KCTD19: variants seen among roughly 807,000 people sequenced by gnomAD.
KCTD19 encodes the protein potassium channel tetramerization domain containing 19, also known as BTB/POZ domain-containing protein KCTD19.
In KCTD19, 67 loss-of-function variants were observed where a neutral mutation model predicts 103.5. That is an observed-to-expected ratio of 0.65 (90% confidence interval 0.53 to 0.79). The LOEUF (loss-of-function observed/expected upper bound fraction) is 0.79. KCTD19 is among the 30% of genes least tolerant of loss of function. The pLI is 0.00. For synonymous variants in KCTD19, 439 were observed against 452.2 expected, an observed-to-expected ratio of 0.97 and a Z score of 0.37; for missense variants, 980 against 1,136.1, an observed-to-expected ratio of 0.86 and a Z score of 1.98.
At position 67,323,366 on chromosome 16, in the gene KCTD19, C is replaced by T. The variant is rs571858992; in HGVS notation, c.4-2481G>A. On this transcript the variant is annotated intron_variant, in intron 1 of 15. Transcript: ENST00000304372. This position sits in a 1 kb window ranked among gnomAD's most constrained non-coding sequence, Gnocchi z 4.1. ...CACAATGGAATATTGTTTGTCAATA[C>T]GAAGGAATGGGATGAACATGGTGGC... is the stretch of plus-strand genomic sequence containing the variant. 5.3e-5 allele frequency among the ~76,000 whole-genome samples: 8 copies of T among 152,106 alleles called. No individual in the cohort carries two copies. The highest frequency in any genetic ancestry group is 1.9e-4 in the African/African-American group (8 of 41,492).
At chr16:67,302,004 G>A in intron 4 of KCTD19, 82 bp from the exon 5 acceptor site, 1 of 1,327,902 alleles carries the variant, frequency 7.5e-7, no homozygotes, top group Non-Finnish European at 1.1e-6. Flanking sequence ...CAGGTTTCTG[G>A]TGCTGTAACT....
At chr16:67,299,250 G>T in intron 6 of KCTD19, 113 bp downstream of exon 6, 1 of 931,064 alleles carries the variant, frequency 1.1e-6, no homozygotes, top group Non-Finnish European at 1.7e-6. Flanking sequence ...ATGATGGGCT[G>T]GCCCCAAGGA....
rs2036855713 is a variant in KCTD19, at chr16:67,303,179, T to C, written c.610A>G (p.Ile204Val). ...CGGAACTCGCTGCACTCGCACTCGA[T>C]GAGGGCCACCGTCTCAGCCAGCCAC... ...LLWLAETVAL[I>V]ECECSEFRFI... Residue 204 changes from isoleucine (I) to valine (V), a missense_variant, in exon 4 of 16, where the codon ATC (isoleucine) becomes GTC (valine). By Grantham distance (29) the Ile-to-Val change is conservative. Coordinates refer to ENST00000304372, the MANE Select transcript of KCTD19 (RefSeq NM_001100915.3). This position sits in a 1 kb window ranked among gnomAD's most constrained non-coding sequence, Gnocchi z 4.3. 6.5e-7 allele frequency: 1 copy of C among 1,545,552 alleles called. No individual in the cohort carries two copies. The highest frequency in any genetic ancestry group is 8.8e-7 in the Non-Finnish European group (1 of 1,138,784).
chr16:67,311,154 G>A (rs964980444), intron 2 of KCTD19, among the ~76,000 whole-genome samples: 2 of 152,136 alleles, frequency 1.3e-5, no homozygotes, highest in African/African-American at 4.8e-5. Context: ...GCCCAGTGAG[G>A]GAGAAAGACA....
chr16:67,319,811 A>G (rs1206178920), intron 2 of KCTD19, among the ~76,000 whole-genome samples: 2 of 151,914 alleles, frequency 1.3e-5, no homozygotes, highest in Admixed American at 6.6e-5. Flanking sequence ...CAAGATTAGA[A>G]CTTTTTGCTT....
At chr16:67,297,804 T>C (rs1252181533) in intron 6 of KCTD19, 141 bp from the exon 7 acceptor site, 1 of 753,094 alleles carries the variant, frequency 1.3e-6, no homozygotes, top group African/African-American at 1.8e-5. Context: ...CCTTGTATTT[T>C]TTTTTTAGAT....
intron 2 of KCTD19, among the ~76,000 whole-genome samples, chr16:67,317,055 T>A (rs2037020067): frequency 6.6e-6 from 1 of 152,176 alleles, no homozygotes; most frequent in East Asian, 1.9e-4. Flanking sequence ...GGAGGCAAAG[T>A]CACATTTTTA....
chr16:67,324,760 G>A (rs2037111556), intron 1 of KCTD19, among the ~76,000 whole-genome samples: 1 of 152,140 alleles, frequency 6.6e-6, no homozygotes, highest in Non-Finnish European at 1.5e-5. Flanking sequence ...CTCTCCCACA[G>A]CAATATTCAG....
intron 1 of KCTD19, among the ~76,000 whole-genome samples, chr16:67,325,411 T>C (rs2037137726): frequency 6.6e-6 from 1 of 151,182 alleles, no homozygotes; most frequent in Non-Finnish European, 1.5e-5. Flanking sequence ...TTTTGTTTTA[T>C]TTTTGTATTT....
chr16:67,299,067 C>T (rs1237980256), intron 6 of KCTD19, among the ~76,000 whole-genome samples: 1 of 152,268 alleles, frequency 6.6e-6, no homozygotes, highest in Non-Finnish European at 1.5e-5. Context: ...GTGGCCTGGT[C>T]ACCTCAGACC....
In KCTD19 at chr16:67,324,304, AT is replaced by A. The variant is rs536490723; in HGVS notation, c.3+2400del. On this transcript the variant is annotated intron_variant, in intron 1 of 15. Coordinates refer to ENST00000304372, the MANE Select transcript of KCTD19 (RefSeq NM_001100915.3). ...TAAAGGGCACTACCCTTGTAAAAAT[AT>A]TTTTTAAAGGGTAGTAAATAGTATA... 2.2e-3 allele frequency among the ~76,000 whole-genome samples: 334 copies of A among 152,346 alleles called. 2 individuals are homozygous for A. The highest frequency in any genetic ancestry group is 7.6e-3 in the African/African-American group (318 of 41,584).
Position 67,301,584 on chromosome 16 carries a change from C to T in KCTD19, c.775+207G>A, listed in dbSNP as rs77699292. On this transcript the variant is annotated intron_variant, in intron 5 of 15. Transcript: ENST00000304372. ...CACCCCTGGCTGGTTGCCCACTCCC[C>T]ACCCTCAGTGGGAAGGCTGAGCCGG... is the stretch of plus-strand genomic sequence containing the variant. Among the ~76,000 whole-genome samples, 12 of 152,276 alleles carry T rather than the reference C, an allele frequency of 7.9e-5. No homozygotes were observed. The East Asian group carries it at 2.3e-3, about 29-fold the overall frequency.
Position 67,291,402 on chromosome 16 carries a change from G to A in KCTD19, c.2472C>T (p.His824=). The change falls in exon 14 of 16, where the codon CAC becomes CAT. Residue 824 remains histidine (H), a synonymous_variant. Coordinates refer to ENST00000304372, the MANE Select transcript of KCTD19 (RefSeq NM_001100915.3). ...CCATGATGATGTCAGCCAGGAAGCAGTGACATTTCTGTGCATAAAACATCT... is the reference window on the plus strand; with the variant it reads ...CCATGATGATGTCAGCCAGGAAGCAATGACATTTCTGTGCATAAAACATCT... ...WEEMFYAQKC[H]CFLADIIMDS... The A allele has an allele frequency of 1.2e-6, 2 of 1,614,218 alleles. No individual in the cohort carries two copies. Among genetic ancestry groups the A allele is most frequent in the Non-Finnish European group, 1.7e-6 (2 of 1,180,016 alleles).
intron 2 of KCTD19, among the ~76,000 whole-genome samples, chr16:67,306,190 C>A (rs1039442507): frequency 7.2e-5 from 11 of 152,214 alleles, no homozygotes; most frequent in Admixed American, 5.9e-4. Context: ...TGAAAGACCA[C>A]AATTTACGTA....
At chr16:67,309,316 C>T (rs1373737064) in intron 2 of KCTD19, among the ~76,000 whole-genome samples, 1 of 152,034 alleles carries the variant, frequency 6.6e-6, no homozygotes, top group Non-Finnish European at 1.5e-5. Flanking sequence ...GAAAAACCAG[C>T]ACAAGATTAC....
At position 67,303,009 on chromosome 16, in the gene KCTD19, C is replaced by T. The variant is rs2036851194; in HGVS notation, c.643+137G>A. 1 of 745,234 alleles carries T rather than the reference C, an allele frequency of 1.3e-6. No individual in the cohort carries two copies. The highest frequency in any genetic ancestry group is 2.8e-5 in the Admixed American group (1 of 35,534). 46.2% of individuals were successfully genotyped at this position (745,234 alleles called of 1,614,324 possible). A position where few individuals can be genotyped will look rare whatever the true frequency, so the allele number is the denominator to read the frequency against. On this transcript the variant is annotated intron_variant, in intron 4 of 15. Coordinates refer to ENST00000304372, the MANE Select transcript of KCTD19 (RefSeq NM_001100915.3). This position sits in a 1 kb window ranked among gnomAD's most constrained non-coding sequence, Gnocchi z 4.3. ...CTGCTTGCTTCCTGGAAGGCTCTGT[C>T]ATGCTTCCGCTACCTCTGCCCAGGG...
intron 2 of KCTD19, among the ~76,000 whole-genome samples, chr16:67,311,128 A>T (rs2036944777): frequency 6.6e-6 from 1 of 152,160 alleles, no homozygotes; most frequent in African/African-American, 2.4e-5. Flanking sequence ...TTTCATGAAA[A>T]CATGAAAAGA....
intron 6 of KCTD19, 150 bp downstream of exon 6, chr16:67,299,213 G>A: frequency 2.8e-6 from 2 of 716,766 alleles, no homozygotes; most frequent in Non-Finnish European, 4.8e-6. Flanking sequence ...TGGTAGTGTG[G>A]CGGTGCTGGT....
intron 9 of KCTD19, 22 bp from the exon 10 acceptor site, chr16:67,295,078 C>T: frequency 1.2e-6 from 2 of 1,607,856 alleles, no homozygotes; most frequent in Non-Finnish European, 1.7e-6. Flanking sequence ...AAGGAGATAT[C>T]CAGCTGGGCA....
Sources: allele counts gnomAD v4.1 joint callset (sites outside exome capture counted in the v4.1 genomes callset), GRCh38; gene constraint gnomAD v4.1.1; non-coding constraint Gnocchi (gnomAD v3.1); transcripts MANE v1.5; gene names NCBI Gene and HGNC (gene_info 2026-07-23, HGNC 2026-07-21).